Variants in SPRY3 observed in about 807,000 individuals in gnomAD.
SPRY3 encodes protein sprouty homolog 3.
A neutral mutation model predicts 20.2 loss-of-function variants in SPRY3; 15 were observed. The observed-to-expected ratio is 0.74, with a 90% CI of 0.50 to 1.14. SPRY3 has a LOEUF of 1.14. Ranked by LOEUF, SPRY3 falls within the 50% of genes most tolerant of loss-of-function variation. The probability of loss-of-function intolerance (pLI) is 0.00; values close to 1 mark genes in which losing one functional copy is unlikely to be tolerated. For missense variants in SPRY3, 364 were observed against 363.9 expected, an observed-to-expected ratio of 1.00 and a Z score of 0.00; for synonymous variants, 143 against 136.5, an observed-to-expected ratio of 1.05 and a Z score of -0.33.
chrX:155,700,224 C>G (rs1173243030), intron 2 of SPRY3, among the ~76,000 whole-genome samples: 5 of 109,845 alleles, frequency 4.6e-5, no homozygotes, highest in Non-Finnish European at 9.5e-5. Flanking sequence ...TGGAGACATA[C>G]AAACTAAAAC....
At chrX:155,655,512 C>T (rs2067989515) in intron 1 of SPRY3, among the ~76,000 whole-genome samples, 1 of 111,014 alleles carries the variant, frequency 9.0e-6, no homozygotes, top group Non-Finnish European at 1.9e-5. Context: ...GTATTTACTC[C>T]GTTTTGAGTT....
intron 2 of SPRY3, among the ~76,000 whole-genome samples, chrX:155,748,550 C>T (rs2091240889): frequency 6.6e-6 from 1 of 151,706 alleles, no homozygotes; most frequent in Non-Finnish European, 1.5e-5. Flanking sequence ...TAGTATATTT[C>T]ATTAAAGGAA....
At chrX:155,708,187 T>A (rs2090963850) in intron 2 of SPRY3, among the ~76,000 whole-genome samples, 1 of 151,386 alleles carries the variant, frequency 6.6e-6, no homozygotes, top group Non-Finnish European at 1.5e-5. Context: ...CCTTTCAAAC[T>A]TCTTATAGGG....
At chrX:155,615,951 T>C (rs781925972) in intron 1 of SPRY3, among the ~76,000 whole-genome samples, 6 of 110,649 alleles carry the variant, frequency 5.4e-5, no homozygotes, top group African/African-American at 1.6e-4. Flanking sequence ...TAATAAGGTG[T>C]TTCACAGAAC....
intron 1 of SPRY3, among the ~76,000 whole-genome samples, chrX:155,643,810 T>C (rs1459561673): frequency 8.9e-6 from 1 of 112,473 alleles, no homozygotes; most frequent in Non-Finnish European, 1.9e-5. Context: ...TATTTCTATC[T>C]TCTTCCTTTC....
intron 2 of SPRY3, among the ~76,000 whole-genome samples, chrX:155,680,191 T>TGTGTGTGTGTGTGTGTG (rs2068070083): frequency 1.3e-4 from 11 of 83,638 alleles, no homozygotes; most frequent in African/African-American, 2.7e-4. Flanking sequence ...TGTGTGTGTG[T>TGTGTGTGTGTGTGTGTG]TTGAGGGAGA....
At chrX:155,671,048 A>G (rs139779060) in intron 2 of SPRY3, among the ~76,000 whole-genome samples, 415 of 111,279 alleles carry the variant, frequency 3.7e-3, no homozygotes, top group African/African-American at 0.013. Context: ...TTTATCTCCA[A>G]CTTCCTCCTG....
At chrX:155,629,526 A>G (rs1254503864) in intron 1 of SPRY3, among the ~76,000 whole-genome samples, 2 of 111,434 alleles carry the variant, frequency 1.8e-5, no homozygotes, top group Non-Finnish European at 3.8e-5. Flanking sequence ...ATACCCAGTA[A>G]TGGGATCACT....
At chrX:155,629,848 C>G (rs1415286531) in intron 1 of SPRY3, among the ~76,000 whole-genome samples, 2 of 111,935 alleles carry the variant, frequency 1.8e-5, no homozygotes, top group Non-Finnish European at 3.8e-5. Flanking sequence ...CAAATATTTT[C>G]TCTCATTCTC....
chrX:155,736,647 G>T (rs2091171823), intron 2 of SPRY3, among the ~76,000 whole-genome samples: 1 of 151,906 alleles, frequency 6.6e-6, no homozygotes, highest in Non-Finnish European at 1.5e-5. Context: ...GTTTAAATAT[G>T]ATATGCTTAA....
chrX:155,740,116 C>A (rs1374720889), intron 2 of SPRY3, among the ~76,000 whole-genome samples: 5 of 152,122 alleles, frequency 3.3e-5, no homozygotes. Context: ...ATATCAGTTC[C>A]CAAAATTAAT....
intron 2 of SPRY3, among the ~76,000 whole-genome samples, chrX:155,727,291 A>C (rs773058220): frequency 1.3e-5 from 2 of 152,066 alleles, no homozygotes; most frequent in South Asian, 2.1e-4. Flanking sequence ...TTGGGGTTGC[A>C]CTTCTCGAGG....
chrX:155,619,015 C>T (rs2067862727), intron 1 of SPRY3, among the ~76,000 whole-genome samples: 1 of 111,282 alleles, frequency 9.0e-6, no homozygotes, highest in Non-Finnish European at 1.9e-5. Flanking sequence ...CCTCTTAAGA[C>T]AATATTCTGC....
Position 155,772,924 on chromosome X carries a change from A to G in SPRY3, c.-106-842A>G, listed in dbSNP as rs140179818. Among the ~76,000 whole-genome samples the G allele has an allele frequency of 7.0e-3, 1,070 of 152,198 alleles. 12 individuals carry two copies. Among genetic ancestry groups the G allele is most frequent in the African/African-American group, 0.024 (992 of 41,538 alleles). On this transcript the variant is annotated intron_variant, in intron 3 of 3. Coordinates refer to ENST00000675360, the Ensembl canonical transcript of SPRY3. Reference sequence around the variant, plus strand: ...GAGGTGACTTAGGATAGTAATAGGTATAATTACAGATGATTTTTGAAATAA... The same window carrying G: ...GAGGTGACTTAGGATAGTAATAGGTGTAATTACAGATGATTTTTGAAATAA...
chrX:155,709,180 A>G (rs916045720), intron 2 of SPRY3, among the ~76,000 whole-genome samples: 7 of 151,742 alleles, frequency 4.6e-5, no homozygotes, highest in African/African-American at 1.7e-4. Context: ...TTTTGGGCAT[A>G]TACCCAGCAA....
intron 1 of SPRY3, among the ~76,000 whole-genome samples, chrX:155,622,504 C>T (rs782362638): frequency 2.6e-4 from 29 of 111,735 alleles, no homozygotes; most frequent in Admixed American, 4.8e-4. Context: ...AGGATCCTAT[C>T]TATTGGAGCC....
At chrX:155,696,782 T>C (rs936567942) in intron 2 of SPRY3, among the ~76,000 whole-genome samples, 4 of 112,200 alleles carry the variant, frequency 3.6e-5, no homozygotes, top group Non-Finnish European at 3.8e-5. Context: ...AGATAAATGA[T>C]TTCACTTTCC....
intron 1 of SPRY3, among the ~76,000 whole-genome samples, chrX:155,654,872 G>A (rs782787314): frequency 1.8e-5 from 2 of 111,192 alleles, no homozygotes; most frequent in East Asian, 2.8e-4. Context: ...TTTCCATTGG[G>A]TAGATACTCA....
intron 2 of SPRY3, among the ~76,000 whole-genome samples, chrX:155,668,320 C>T (rs1031039909): frequency 9.1e-6 from 1 of 110,346 alleles, no homozygotes; most frequent in Non-Finnish European, 1.9e-5. Flanking sequence ...GAGTACATAC[C>T]GTGTTATTCT....
Sources: allele counts gnomAD v4.1 joint callset (sites outside exome capture counted in the v4.1 genomes callset), GRCh38; gene constraint gnomAD v4.1.1; transcripts MANE v1.5; gene names NCBI Gene and HGNC (gene_info 2026-07-23, HGNC 2026-07-21).